The following UNC5D variants were observed in gnomAD, a reference collection of about 807,000 sequenced individuals.
UNC5D encodes netrin receptor UNC5D.
Under a neutral mutation model 105.4 loss-of-function variants are expected in UNC5D, and 39 were observed. That is an observed-to-expected ratio of 0.37 (90% CI 0.29 to 0.48). The LOEUF is 0.48. Among genes scored for constraint, UNC5D ranks in the 20% least tolerant of loss-of-function variants. UNC5D has a pLI of 0.98. For synonymous variants in UNC5D, 452 were observed against 450.4 expected (o/e 1.00, Z -0.04); for missense variants, 991 against 1,202.4 (o/e 0.82, Z 2.60).
At chr8:35,286,226 T>C (rs759114999) in intron 1 of UNC5D, among the ~76,000 whole-genome samples, 1 of 152,154 alleles carries the variant, frequency 6.6e-6, no homozygotes, top group African/African-American at 2.4e-5. Context: ...ACCAACAAGA[T>C]GGTGGAATAG....
At chr8:35,726,728 G>GCATTCAATC in intron 10 of UNC5D, 199 bp downstream of exon 10, 1 of 774,810 alleles carries the variant, frequency 1.3e-6, no homozygotes, top group Non-Finnish European at 2.0e-6. Flanking sequence ...CTTCATCTCA[G>GCATTCAATC]CATGGATTGA....
intron 1 of UNC5D, among the ~76,000 whole-genome samples, chr8:35,441,506 T>C (rs1050584612): frequency 2.0e-5 from 3 of 151,830 alleles, no homozygotes; most frequent in Non-Finnish European, 4.4e-5. Context: ...TAAGGGTGAC[T>C]ACTGTAATTT....
intron 1 of UNC5D, among the ~76,000 whole-genome samples, chr8:35,344,645 C>A (rs1811677138): frequency 6.6e-6 from 1 of 152,070 alleles, no homozygotes; most frequent in African/African-American, 2.4e-5. Context: ...TACACTTCCC[C>A]ATTTACAATT....
chr8:35,595,797 C>T (rs913865670), intron 4 of UNC5D, 140 bp downstream of exon 4: 4 of 676,270 alleles, frequency 5.9e-6, no homozygotes, highest in African/African-American at 3.6e-5. Context: ...TTGCTAAACA[C>T]GGTGAAGAAA....
intron 1 of UNC5D, among the ~76,000 whole-genome samples, chr8:35,476,749 T>C (rs1331389873): frequency 6.6e-6 from 1 of 152,214 alleles, no homozygotes; most frequent in African/African-American, 2.4e-5. Flanking sequence ...GCTTACCATC[T>C]ATGGCAGTTC....
At chr8:35,580,842 G>C (rs1020578201) in intron 3 of UNC5D, among the ~76,000 whole-genome samples, 1 of 152,188 alleles carries the variant, frequency 6.6e-6, no homozygotes, top group Non-Finnish European at 1.5e-5. Flanking sequence ...ACAATAGCTA[G>C]AGTTAATGAT....
At chr8:35,360,981 A>G (rs1241200353) in intron 1 of UNC5D, among the ~76,000 whole-genome samples, 1 of 151,982 alleles carries the variant, frequency 6.6e-6, no homozygotes, top group Non-Finnish European at 1.5e-5. Context: ...AAGATTTTTT[A>G]AAATATATAT....
chr8:35,655,027 T>C (rs1823644474), intron 4 of UNC5D, among the ~76,000 whole-genome samples: 1 of 152,186 alleles, frequency 6.6e-6, no homozygotes, highest in African/African-American at 2.4e-5. Flanking sequence ...CAGAAATAAG[T>C]GGCCTTGGAC....
chr8:35,255,055 T>A (rs1803977560), intron 1 of UNC5D: 1 of 152,214 alleles, frequency 6.6e-6, no homozygotes, highest in African/African-American at 2.4e-5. Flanking sequence ...GGGGAGTTCT[T>A]AAGTTAGAAG....
chr8:35,445,116 G>A (rs536793770), intron 1 of UNC5D, among the ~76,000 whole-genome samples: 55 of 152,016 alleles, frequency 3.6e-4, no homozygotes, highest in Non-Finnish European at 5.9e-5. Context: ...GTTGGTATCA[G>A]AGTGTAGCCC....
At chr8:35,356,067 T>C (rs962127256) in intron 1 of UNC5D, among the ~76,000 whole-genome samples, 1 of 152,130 alleles carries the variant, frequency 6.6e-6, no homozygotes, top group African/African-American at 2.4e-5. Flanking sequence ...TATAGGAGTG[T>C]GCTACCACGC....
At chr8:35,692,589 C>T (rs996799511) in intron 7 of UNC5D, among the ~76,000 whole-genome samples, 4 of 152,182 alleles carry the variant, frequency 2.6e-5, no homozygotes, top group African/African-American at 9.7e-5. Context: ...TTTCTTTGGT[C>T]AGAGTCAGAA....
chr8:35,629,241 C>T (rs1190127518), intron 4 of UNC5D, among the ~76,000 whole-genome samples: 1 of 152,128 alleles, frequency 6.6e-6, no homozygotes, highest in African/African-American at 2.4e-5. Flanking sequence ...TCCATCCTGA[C>T]TGGTGTAAGA....
chr8:35,414,762 A>G (rs1805422673), intron 1 of UNC5D, among the ~76,000 whole-genome samples: 1 of 152,162 alleles, frequency 6.6e-6, no homozygotes, highest in African/African-American at 2.4e-5. Context: ...CTCATCAGTC[A>G]CACTGGTTGT....
intron 1 of UNC5D, among the ~76,000 whole-genome samples, chr8:35,350,922 A>T (rs1812191287): frequency 2.0e-5 from 3 of 152,064 alleles, no homozygotes; most frequent in Non-Finnish European, 4.4e-5. Context: ...TAAGTAGATA[A>T]TGTTTATATT....
intron 1 of UNC5D, among the ~76,000 whole-genome samples, chr8:35,384,428 T>C (rs1803255065): frequency 6.6e-6 from 1 of 152,094 alleles, no homozygotes. Flanking sequence ...TTGCAGTATC[T>C]CTCCTCTCCT....
At chr8:35,745,139 TGGTACACTAGAGGGCATTAAG>T (rs1829940208) in intron 11 of UNC5D, among the ~76,000 whole-genome samples, 1 of 152,148 alleles carries the variant, frequency 6.6e-6, no homozygotes, top group Admixed American at 6.5e-5. Flanking sequence ...GCAAATGGTA[TGGTACACTAGAGGGCATTAAG>T]TGTTAAGGAG....
intron 1 of UNC5D, among the ~76,000 whole-genome samples, chr8:35,350,621 T>G (rs1812171266): frequency 6.6e-6 from 1 of 152,062 alleles, no homozygotes; most frequent in Admixed American, 6.6e-5. Context: ...CCAAAAGTGA[T>G]TTCATACTGG....
intron 1 of UNC5D, among the ~76,000 whole-genome samples, chr8:35,375,985 C>T (rs943452558): frequency 7.2e-5 from 11 of 152,120 alleles, no homozygotes; most frequent in Admixed American, 3.9e-4. Context: ...TGTTTCCAGA[C>T]GTTGATTTGG....
Sources: gnomAD v4.1 joint callset for allele counts (sites outside exome capture counted in the v4.1 genomes callset) on GRCh38, gnomAD v4.1.1 for gene constraint, MANE v1.5 for transcripts, NCBI Gene and HGNC (gene_info 2026-07-23, HGNC 2026-07-21) for gene names.